Variants in RCOR3 observed in about 807,000 individuals in gnomAD.
RCOR3 encodes the protein REST corepressor 3.
A neutral mutation model predicts 64.1 loss-of-function variants in RCOR3; 13 were observed. That is an observed-to-expected ratio of 0.20 (90% CI 0.13 to 0.32). The LOEUF (loss-of-function observed/expected upper bound fraction) is 0.32, where lower values mean the gene tolerates loss of function less well. Among genes scored for constraint, RCOR3 ranks in the 10% least tolerant of loss-of-function variants. RCOR3 has a pLI of 1.00. For missense variants in RCOR3, 489 were observed against 701.2 expected (o/e 0.70, Z 3.42); for synonymous variants, 215 against 239.0 (o/e 0.90, Z 0.93).
chr1:211,279,249 TAG>T lies in RCOR3; in HGVS notation c.655_656del (p.Glu219ArgfsTer9). On this transcript the variant is annotated frameshift_variant, in exon 7 of 12. Coordinates refer to ENST00000419091, the MANE Select transcript of RCOR3 (RefSeq NM_001136223.3). LOFTEE classifies it high-confidence loss of function. Reference sequence around the variant, plus strand: ...TTGTTTCTTCTCAGTGATGATGATGTAGAAGAAACACATCCAATGGATGGGAA... The same window carrying T: ...TTGTTTCTTCTCAGTGATGATGATGTAAGAAACACATCCAATGGATGGGAA... 6.2e-7 allele frequency: 1 copy of T among 1,605,788 alleles called. No homozygotes were observed. The highest frequency in any genetic ancestry group is 8.5e-7 in the Non-Finnish European group (1 of 1,176,348).
chr1:211,289,474 C>T, intron 8 of RCOR3, 78 bp downstream of exon 8: 1 of 1,140,860 alleles, frequency 8.8e-7, no homozygotes, highest in Non-Finnish European at 1.3e-6. Flanking sequence ...AGGTTGAGCT[C>T]AGTTGTTTGC....
At chr1:211,287,976 A>G (rs911291974) in intron 7 of RCOR3, among the ~76,000 whole-genome samples, 12 of 152,102 alleles carry the variant, frequency 7.9e-5, no homozygotes, top group African/African-American at 2.7e-4. Context: ...TTGAGAGCCC[A>G]AGGTAGGCAG....
chr1:211,272,848 C>G (rs1387507339), intron 3 of RCOR3, among the ~76,000 whole-genome samples: 1 of 151,520 alleles, frequency 6.6e-6, no homozygotes, highest in Admixed American at 6.6e-5. Context: ...GTCTCGATCT[C>G]CTGACCTCGT....
At chr1:211,299,001 C>T (rs558051892) in intron 9 of RCOR3, among the ~76,000 whole-genome samples, 4 of 149,780 alleles carry the variant, frequency 2.7e-5, no homozygotes, top group South Asian at 2.1e-4. Context: ...AGTGAGACTC[C>T]GTCTCAAAAA....
intron 8 of RCOR3, 106 bp from the exon 9 acceptor site, chr1:211,295,570 A>G: frequency 1.1e-6 from 1 of 903,216 alleles, no homozygotes; most frequent in Non-Finnish European, 1.8e-6. Flanking sequence ...TTCTCCTAAA[A>G]TAAAATTTAA....
At chr1:211,290,064 T>C (rs1699057329) in intron 8 of RCOR3, among the ~76,000 whole-genome samples, 1 of 152,234 alleles carries the variant, frequency 6.6e-6, no homozygotes, top group Admixed American at 6.5e-5. Flanking sequence ...TTAAGCTCAG[T>C]TATTCGTTGC....
Position 211,281,331 on chromosome 1 carries a change from G to C in RCOR3, c.720+2015G>C, listed in dbSNP as rs147659224. Reference sequence around the variant, plus strand: ...TTTTATCATTATTCTTTTTAATTCTGTCTCTCAAAAAACTGTGAGATTTGA... The same window carrying C: ...TTTTATCATTATTCTTTTTAATTCTCTCTCTCAAAAAACTGTGAGATTTGA... On this transcript the variant is annotated intron_variant, in intron 7 of 11. Coordinates refer to ENST00000419091, the MANE Select transcript of RCOR3 (RefSeq NM_001136223.3). 1.6e-3 allele frequency among the ~76,000 whole-genome samples: 249 copies of C among 151,776 alleles called. 1 individual carries two copies. Among genetic ancestry groups the C allele is most frequent in the African/African-American group, 5.8e-3 (242 of 41,368 alleles).
chr1:211,276,489 A>C (rs939531068), intron 5 of RCOR3, 71 bp downstream of exon 5: 2 of 1,245,674 alleles, frequency 1.6e-6, no homozygotes, highest in African/African-American at 3.0e-5. Flanking sequence ...ACACTTCCTA[A>C]TTATTAAATA....
intron 10 of RCOR3, among the ~76,000 whole-genome samples, chr1:211,306,687 G>A (rs1173316498): frequency 1.3e-5 from 2 of 152,216 alleles, no homozygotes; most frequent in East Asian, 3.9e-4. Context: ...GCTTAAATAT[G>A]TATTTCCCAC....
At chr1:211,280,984 C>CGA (rs764260011) in intron 7 of RCOR3, among the ~76,000 whole-genome samples, 1 of 114,022 alleles carries the variant, frequency 8.8e-6, no homozygotes. Context: ...AACTCCATCT[C>CGA]AAAAAAAAAA....
chr1:211,281,271 T>C (rs1190741197), intron 7 of RCOR3, among the ~76,000 whole-genome samples: 1 of 152,188 alleles, frequency 6.6e-6, no homozygotes, highest in Non-Finnish European at 1.5e-5. Flanking sequence ...CCATTGTGTC[T>C]CAATTTTAGT....
At chr1:211,263,489 T>C (rs1694712216) in intron 2 of RCOR3, among the ~76,000 whole-genome samples, 1 of 152,216 alleles carries the variant, frequency 6.6e-6, no homozygotes, top group Non-Finnish European at 1.5e-5. Context: ...TCACTTTCTG[T>C]AAGTTCACTT....
chr1:211,286,930 A>C (rs1698624722), intron 7 of RCOR3, among the ~76,000 whole-genome samples: 2 of 152,162 alleles, frequency 1.3e-5, no homozygotes, highest in South Asian at 4.1e-4. Flanking sequence ...CCTGCAGTAT[A>C]TCCTTTAGAA....
At position 211,312,991 on chromosome 1, in the gene RCOR3, A is replaced by G; in HGVS notation, c.1317+30A>G. On this transcript the variant is annotated intron_variant, in intron 11 of 11. Transcript: ENST00000419091. This position sits in a 1 kb window ranked among gnomAD's most constrained non-coding sequence, Gnocchi z 5.0. ...GTTTGTGTATGGAATTTGAGCTAAT[A>G]TGAGTTGAGGAATCACCATTTTGTG... 1 of 1,613,836 alleles carries G rather than the reference A, an allele frequency of 6.2e-7. No homozygotes were observed. The highest frequency in any genetic ancestry group is 8.5e-7 in the Non-Finnish European group (1 of 1,179,830).
At chr1:211,278,263 A>G (rs755922597) in intron 6 of RCOR3, 22 bp downstream of exon 6, 28 of 1,612,580 alleles carry the variant, frequency 1.7e-5, no homozygotes, top group East Asian at 4.5e-5. Flanking sequence ...ACCTTCATAT[A>G]GTTACATTGT....
At chr1:211,268,855 T>C (rs557350879) in intron 2 of RCOR3, among the ~76,000 whole-genome samples, 1 of 141,014 alleles carries the variant, frequency 7.1e-6, no homozygotes, top group African/African-American at 2.5e-5. Flanking sequence ...ATTTTCCTTA[T>C]AACATACATA....
At chr1:211,282,981 ACTTGC>A (rs1464271769) in intron 7 of RCOR3, among the ~76,000 whole-genome samples, 4 of 152,178 alleles carry the variant, frequency 2.6e-5, no homozygotes, top group Admixed American at 1.3e-4. Context: ...ATTCTTCAGT[ACTTGC>A]CTTTTGTTAT....
chr1:211,297,385 C>G (rs12754607), intron 9 of RCOR3, among the ~76,000 whole-genome samples: 22,416 of 152,010 alleles, frequency 0.15, 1,789 homozygotes, highest in South Asian at 0.2. Context: ...CCAACTTGTT[C>G]AAGGTGACAG....
At chr1:211,280,114 G>T (rs1558066774) in intron 7 of RCOR3, among the ~76,000 whole-genome samples, 2 of 152,166 alleles carry the variant, frequency 1.3e-5, no homozygotes, top group Non-Finnish European at 2.9e-5. Context: ...ATAGTACCCA[G>T]GACATAGAAA....
Sources: allele counts gnomAD v4.1 joint callset (sites outside exome capture counted in the v4.1 genomes callset), GRCh38; gene constraint gnomAD v4.1.1; non-coding constraint Gnocchi (gnomAD v3.1); transcripts MANE v1.5; gene names NCBI Gene and HGNC (gene_info 2026-07-23, HGNC 2026-07-21).